Variants in BIRC6 observed in about 807,000 individuals in gnomAD.
BIRC6 encodes dual E2 ubiquitin-conjugating enzyme/E3 ubiquitin-protein ligase BIRC6.
A neutral mutation model predicts 503.3 loss-of-function variants in BIRC6; 98 were observed. That is an observed-to-expected ratio of 0.19 (90% CI 0.17 to 0.23). The LOEUF (loss-of-function observed/expected upper bound fraction) is 0.23. Among genes scored for constraint, BIRC6 ranks in the 10% least tolerant of loss-of-function variants. BIRC6 has a pLI of 1.00. For missense variants in BIRC6, 5,360 were observed against 5,806.0 expected, an observed-to-expected ratio of 0.92 and a Z score of 2.50; for synonymous variants, 2,240 against 2,078.7, an observed-to-expected ratio of 1.08 and a Z score of -2.11.
chr2:32,537,115 T>A (rs1266280479), intron 61 of BIRC6, among the ~76,000 whole-genome samples: 1 of 152,178 alleles, frequency 6.6e-6, no homozygotes, highest in Non-Finnish European at 1.5e-5. Context: ...TGATTTTGTA[T>A]CCTGAGACTG....
chr2:32,408,037 A>C (rs1573998129), intron 9 of BIRC6, among the ~76,000 whole-genome samples: 1 of 151,428 alleles, frequency 6.6e-6, no homozygotes, highest in South Asian at 2.1e-4. Flanking sequence ...GTGTGATCTC[A>C]GCTCACTGCA....
At position 32,357,351 on chromosome 2, in the gene BIRC6, C is replaced by T. The variant is rs1183283068; in HGVS notation, c.190C>T (p.His64Tyr). Residue 64 changes from histidine to tyrosine, a missense_variant, in exon 1 of 74, where the codon CAC becomes TAC. By Grantham distance (83) the His-to-Tyr change is moderately conservative. This residue lies in a region of BIRC6 where 145 missense variants were observed against 106.9 expected (regional missense o/e 1.36). Coordinates refer to ENST00000421745, the MANE Select transcript of BIRC6 (RefSeq NM_016252.4). The surrounding 1 kb of genome is among the most constrained non-coding windows in gnomAD (Gnocchi z 4.9). ...GCTGGTGCTGCGGGACGGCTGCATG[C>T]ACTGCGACGCCGACGGGCTGCACAG... ...EWLVLRDGCM[H>Y]CDADGLHSLS... 6 of 1,545,322 alleles carry T rather than the reference C, an allele frequency of 3.9e-6. No homozygotes were observed. The South Asian group carries it at 4.8e-5, about 12-fold the overall frequency.
chr2:32,551,748 CCA>C (rs2058439177), intron 65 of BIRC6, among the ~76,000 whole-genome samples: 1 of 152,074 alleles, frequency 6.6e-6, no homozygotes, highest in Admixed American at 6.5e-5. Context: ...GTGATAGGAT[CCA>C]CTCCACCATT....
At chr2:32,390,278 C>T (rs1265480189) in intron 4 of BIRC6, among the ~76,000 whole-genome samples, 1 of 152,206 alleles carries the variant, frequency 6.6e-6, no homozygotes, top group Non-Finnish European at 1.5e-5. Flanking sequence ...TCATGCCATT[C>T]TCCTGCCTCA....
chr2:32,501,059 A>G (rs544254539), intron 46 of BIRC6, among the ~76,000 whole-genome samples: 176 of 152,368 alleles, frequency 1.2e-3, no homozygotes, highest in African/African-American at 4.0e-3. Flanking sequence ...AACATTTTCT[A>G]TGACACAAAC....
At chr2:32,363,175 T>TA (rs1340611050) in intron 1 of BIRC6, among the ~76,000 whole-genome samples, 2 of 151,634 alleles carry the variant, frequency 1.3e-5, no homozygotes, top group African/African-American at 2.4e-5. Context: ...TAGAAAAAAA[T>TA]AAAAAAATTT....
chr2:32,583,328 C>T (rs982227143), intron 66 of BIRC6, among the ~76,000 whole-genome samples: 2 of 152,164 alleles, frequency 1.3e-5, no homozygotes, highest in African/African-American at 2.4e-5. Context: ...TGGTTCAGGG[C>T]TCTGTGTTTC....
In BIRC6 at chr2:32,357,658, C is replaced by G. The variant is rs575825407; in HGVS notation, c.325+172C>G. On this transcript the variant is annotated intron_variant, in intron 1 of 73. Transcript: ENST00000421745. The surrounding 1 kb of genome is among the most constrained non-coding windows in gnomAD (Gnocchi z 4.9). ...GATGGAGGGGGACCTTAGGACTTGGCTTTTTCAGCGGCTGCAGTTGGGAGG... is the reference window on the plus strand; with the variant it reads ...GATGGAGGGGGACCTTAGGACTTGGGTTTTTCAGCGGCTGCAGTTGGGAGG... Among the ~76,000 whole-genome samples the G allele has an allele frequency of 7.2e-5, 11 of 152,084 alleles. No homozygotes were observed. The highest frequency in any genetic ancestry group is 1.6e-4 in the Non-Finnish European group (11 of 68,002).
intron 9 of BIRC6, among the ~76,000 whole-genome samples, chr2:32,412,256 T>C (rs2041966171): frequency 6.6e-6 from 1 of 152,134 alleles, no homozygotes; most frequent in East Asian, 1.9e-4. Flanking sequence ...CCGAGCACTT[T>C]GGGAGGCCGA....
In BIRC6 at chr2:32,451,312, GGCCCTGT is replaced by G. The variant is rs369222939; in HGVS notation, c.4618+2386_4618+2392del. The stretch of plus-strand genomic sequence containing the variant: ...GTCATTGCCCCGTTTAGTCTTTTTT[GGCCCTGT>G]GATTCTCAAAGTGTGTTCTATAGAC... On this transcript the variant is annotated intron_variant, in intron 22 of 73. Transcript: ENST00000421745. Among the ~76,000 whole-genome samples, 652 of 151,976 alleles carry G rather than the reference GGCCCTGT, an allele frequency of 4.3e-3. 3 individuals are homozygous for G. Among genetic ancestry groups the G allele is most frequent in the African/African-American group, 0.015 (627 of 41,436 alleles).
intron 1 of BIRC6, among the ~76,000 whole-genome samples, chr2:32,361,044 C>G (rs1248792615): frequency 1.3e-5 from 2 of 152,152 alleles, no homozygotes; most frequent in Non-Finnish European, 2.9e-5. Context: ...CCTCACCTTC[C>G]TGAATAGCTG....
chr2:32,474,589 A>G (rs2049515013), intron 33 of BIRC6, among the ~76,000 whole-genome samples: 1 of 152,186 alleles, frequency 6.6e-6, no homozygotes, highest in South Asian at 2.1e-4. Flanking sequence ...GAAGGTTTTT[A>G]TTTCTAGGAA....
intron 10 of BIRC6, among the ~76,000 whole-genome samples, chr2:32,426,184 T>A (rs898874419): frequency 6.6e-6 from 1 of 152,210 alleles, no homozygotes; most frequent in African/African-American, 2.4e-5. Context: ...TTTTTTTGAG[T>A]TATATTTTGG....
intron 64 of BIRC6, 141 bp from the exon 65 acceptor site, chr2:32,549,172 A>G: frequency 1.8e-6 from 1 of 561,542 alleles, no homozygotes; most frequent in Non-Finnish European, 2.8e-6. Context: ...ATTTAAACAA[A>G]TAATTATTTT....
In BIRC6 at chr2:32,384,378, A is replaced by ATT. The variant is rs769809045; in HGVS notation, c.645+4102_645+4103dup. On this transcript the variant is annotated intron_variant, in intron 3 of 73. Coordinates refer to ENST00000421745, the MANE Select transcript of BIRC6 (RefSeq NM_016252.4). The stretch of plus-strand genomic sequence containing the variant: ...ACACAGTAAGACCAGTGGAAAAAAG[A>ATT]TTTTTTTTTTTTTTTGCTTTGAAAT... Among the ~76,000 whole-genome samples the ATT allele has an allele frequency of 1.9e-4, 26 of 139,232 alleles. 1 individual carries two copies. In the East Asian group the frequency reaches 4.3e-3, roughly 23 times the overall value. The allele number at this position is 139,232 out of a possible 152,430, so 91.3% of individuals were successfully genotyped here. A position where few individuals can be genotyped will look rare whatever the true frequency, so the allele number is the denominator to read the frequency against.
chr2:32,535,617 C>T (rs556330092), intron 61 of BIRC6, among the ~76,000 whole-genome samples: 2 of 152,278 alleles, frequency 1.3e-5, no homozygotes, highest in African/African-American at 2.4e-5. Flanking sequence ...CATCCATGTC[C>T]CTACAAAGGA....
intron 14 of BIRC6, 112 bp downstream of exon 14, chr2:32,435,697 C>A (rs954611321): frequency 6.0e-5 from 69 of 1,142,470 alleles, no homozygotes; most frequent in Non-Finnish European, 7.5e-5. Flanking sequence ...TTCAAGAACA[C>A]AATTAAAAAA....
chr2:32,605,355 T>C (rs1408316519), intron 71 of BIRC6, among the ~76,000 whole-genome samples: 4 of 152,188 alleles, frequency 2.6e-5, no homozygotes, highest in Admixed American at 1.3e-4. Context: ...CTGAGATCTA[T>C]AAAACCATAT....
intron 65 of BIRC6, among the ~76,000 whole-genome samples, chr2:32,570,961 C>CTTATT (rs559473048): frequency 1.5e-3 from 235 of 152,080 alleles, no homozygotes; most frequent in South Asian, 6.6e-3. Flanking sequence ...TCACATCTGG[C>CTTATT]TTATTTTATT....
Sources: allele counts gnomAD v4.1 joint callset (sites outside exome capture counted in the v4.1 genomes callset), GRCh38; gene constraint gnomAD v4.1.1; regional missense constraint gnomAD v4.1.1; non-coding constraint Gnocchi (gnomAD v3.1); transcripts MANE v1.5; gene names NCBI Gene and HGNC (gene_info 2026-07-23, HGNC 2026-07-21).